The following EYS variants were observed in gnomAD, a reference collection of about 807,000 sequenced individuals.
EYS encodes the protein protein eyes shut homolog.
In EYS, 250 loss-of-function variants were observed where a neutral mutation model predicts 282.1. That is an observed-to-expected ratio of 0.89 (90% confidence interval 0.80 to 0.98). The LOEUF (loss-of-function observed/expected upper bound fraction) is 0.98, where lower values mean the gene tolerates loss of function less well. Ranked by LOEUF, EYS falls within the 50% of genes least tolerant of loss-of-function variation. The pLI is 0.00. For synonymous variants in EYS, 1,355 were observed against 1,282.9 expected, an observed-to-expected ratio of 1.06 and a Z score of -1.20; for missense variants, 4,016 against 3,709.0, an observed-to-expected ratio of 1.08 and a Z score of -2.15.
At chr6:65,099,714 A>G (rs1391284129) in intron 12 of EYS, among the ~76,000 whole-genome samples, 3 of 150,772 alleles carry the variant, frequency 2.0e-5, no homozygotes, top group East Asian at 3.9e-4. Flanking sequence ...TGGGATGGGC[A>G]TGAAATAGAG....
At chr6:64,897,215 C>G (rs1299274889) in intron 18 of EYS, among the ~76,000 whole-genome samples, 1 of 152,094 alleles carries the variant, frequency 6.6e-6, no homozygotes, top group Non-Finnish European at 1.5e-5. Context: ...TCTGGTTGGC[C>G]TCTGGCAGGT....
chr6:65,094,064 T>C (rs1183147013), intron 12 of EYS, among the ~76,000 whole-genome samples: 2 of 151,688 alleles, frequency 1.3e-5, no homozygotes, highest in Non-Finnish European at 1.5e-5. Context: ...GTTCAGAATG[T>C]ATACATGTTT....
intron 11 of EYS, among the ~76,000 whole-genome samples, chr6:65,313,870 T>C (rs962994450): frequency 6.6e-6 from 1 of 152,116 alleles, no homozygotes; most frequent in African/African-American, 2.4e-5. Flanking sequence ...CTCAAAAGCC[T>C]CCAAGAGCTT....
chr6:64,130,450 A>G (rs1338539767), intron 31 of EYS, among the ~76,000 whole-genome samples: 2 of 152,134 alleles, frequency 1.3e-5, no homozygotes, highest in Non-Finnish European at 2.9e-5. Context: ...TGGACACAGG[A>G]AAGGGAACAT....
At chr6:64,127,108 C>T (rs79864187) in intron 31 of EYS, among the ~76,000 whole-genome samples, 2,095 of 152,244 alleles carry the variant, frequency 0.014, 42 homozygotes, top group African/African-American at 0.047. Context: ...TCACTAGGAA[C>T]ATACAACTTT....
intron 12 of EYS, among the ~76,000 whole-genome samples, chr6:65,077,647 T>C (rs2150169698): frequency 6.6e-6 from 1 of 152,224 alleles, no homozygotes; most frequent in Non-Finnish European, 1.5e-5. Context: ...AGAGGCTTGT[T>C]GAACATAGTC....
chr6:64,614,867 G>C (rs537472822), intron 24 of EYS, among the ~76,000 whole-genome samples: 120 of 152,184 alleles, frequency 7.9e-4, no homozygotes, highest in Non-Finnish European at 7.4e-5. Context: ...TGTCACTCTC[G>C]TACAATCATA....
chr6:65,109,211 T>G (rs1775134091), intron 12 of EYS, among the ~76,000 whole-genome samples: 1 of 152,090 alleles, frequency 6.6e-6, no homozygotes, highest in South Asian at 2.1e-4. Context: ...TTTCTGTTAG[T>G]TCTAAACACA....
intron 15 of EYS, among the ~76,000 whole-genome samples, chr6:64,944,829 A>G (rs1769220854): frequency 6.6e-6 from 1 of 152,114 alleles, no homozygotes; most frequent in Non-Finnish European, 1.5e-5. Flanking sequence ...GTTTGCAGCA[A>G]TGCTGCCTTG....
intron 2 of EYS, among the ~76,000 whole-genome samples, chr6:65,559,415 A>T (rs1296652861): frequency 6.6e-6 from 1 of 151,952 alleles, no homozygotes; most frequent in Non-Finnish European, 1.5e-5. Context: ...AAAGAAAAAA[A>T]ATTTTTTTTG....
At chr6:64,444,258 C>A (rs113655120) in intron 26 of EYS, among the ~76,000 whole-genome samples, 1 of 152,166 alleles carries the variant, frequency 6.6e-6, no homozygotes, top group African/African-American at 2.4e-5. Context: ...GGTCCCAGGA[C>A]ACTCATTTCC....
In EYS at chr6:64,838,117, C is replaced by T. The variant is rs1009914188; in HGVS notation, c.2993-15295G>A. The stretch of plus-strand genomic sequence containing the variant: ...TATTTCTGCTTCTTTTGTTCAAACA[C>T]ATTGATGTATTATTGCTTAGTCTTT... On this transcript the variant is annotated intron_variant, in intron 19 of 42. Transcript: ENST00000503581. Among the ~76,000 whole-genome samples the T allele has an allele frequency of 1.1e-4, 16 of 151,780 alleles. 1 individual carries two copies. Among genetic ancestry groups the T allele is most frequent in the Admixed American group, 7.2e-4 (11 of 15,184 alleles).
At chr6:64,360,646 T>C (rs941601262) in intron 29 of EYS, among the ~76,000 whole-genome samples, 6 of 151,786 alleles carry the variant, frequency 4.0e-5, no homozygotes, top group Non-Finnish European at 5.9e-5. Flanking sequence ...TATGAAACTT[T>C]AGAGGAAAAA....
intron 36 of EYS, among the ~76,000 whole-genome samples, chr6:63,830,334 C>T (rs547343351): frequency 2.0e-5 from 3 of 152,164 alleles, no homozygotes; most frequent in South Asian, 2.1e-4. Flanking sequence ...AAAGATTAGA[C>T]GAATGGCTAA....
intron 22 of EYS, among the ~76,000 whole-genome samples, chr6:64,808,097 T>C (rs1583179205): frequency 1.3e-5 from 2 of 149,432 alleles, no homozygotes; most frequent in Non-Finnish European, 3.0e-5. Context: ...CCTTCCCTTC[T>C]TCCCTTCCCT....
chr6:64,725,160 A>T (rs1196045723), intron 22 of EYS, among the ~76,000 whole-genome samples: 3 of 152,150 alleles, frequency 2.0e-5, no homozygotes, highest in African/African-American at 7.2e-5. Context: ...TCTAATATAG[A>T]TGTTGCTTGT....
intron 2 of EYS, among the ~76,000 whole-genome samples, chr6:65,574,377 G>GA (rs1272025038): frequency 1.3e-5 from 2 of 152,044 alleles, no homozygotes; most frequent in East Asian, 1.9e-4. Context: ...AGTAGCAAGA[G>GA]AAAAAAAGCA....
chr6:65,438,091 G>A lies in EYS; in HGVS notation c.863-32724C>T, dbSNP rs148697807. Among the ~76,000 whole-genome samples, 841 of 147,096 alleles carry A rather than the reference G, an allele frequency of 5.7e-3. 10 individuals are homozygous for A. The highest frequency in any genetic ancestry group is 0.02 in the African/African-American group (793 of 39,876). ...CTTATTGTTCAATTCCCACCTACGAGTGAGAACATGTAGTGTTTGGTTTTT... is the reference window on the plus strand; with the variant it reads ...CTTATTGTTCAATTCCCACCTACGAATGAGAACATGTAGTGTTTGGTTTTT... On this transcript the variant is annotated intron_variant, in intron 5 of 42. Transcript: ENST00000503581.
At chr6:65,588,248 C>T (rs537048197) in intron 2 of EYS, among the ~76,000 whole-genome samples, 3 of 152,084 alleles carry the variant, frequency 2.0e-5, no homozygotes, top group South Asian at 2.1e-4. Context: ...CCTCTATCCA[C>T]CTCATTTAAC....
Sources: gnomAD v4.1 joint callset for allele counts (sites outside exome capture counted in the v4.1 genomes callset) on GRCh38, gnomAD v4.1.1 for gene constraint, MANE v1.5 for transcripts, NCBI Gene and HGNC (gene_info 2026-07-23, HGNC 2026-07-21) for gene names.